The following AGAP3 variants were observed in gnomAD, a reference collection of about 807,000 sequenced individuals.
AGAP3 encodes ArfGAP with GTPase domain, ankyrin repeat and PH domain 3.
AGAP3 carries 24 observed loss-of-function variants against 96.9 expected under a neutral mutation model. That is an observed-to-expected ratio of 0.25 (90% confidence interval 0.18 to 0.35). The LOEUF is 0.35. Ranked by LOEUF, AGAP3 falls within the 10% of genes least tolerant of loss-of-function variation. The probability of loss-of-function intolerance (pLI) is 1.00; values close to 1 mark genes in which losing one functional copy is unlikely to be tolerated. For synonymous variants in AGAP3, 563 were observed against 536.1 expected (o/e 1.05, Z -0.69); for missense variants, 876 against 1,254.2 (o/e 0.70, Z 4.55).
At position 151,123,905 on chromosome 7, in the gene AGAP3, G is replaced by A; in HGVS notation, c.1221+19G>A. 2 of 1,599,734 alleles carry A rather than the reference G, an allele frequency of 1.3e-6. No individual in the cohort carries two copies. The highest frequency in any genetic ancestry group is 1.7e-6 in the Non-Finnish European group (2 of 1,178,038). On this transcript the variant is annotated intron_variant, in intron 9 of 17. Coordinates refer to ENST00000397238, the MANE Select transcript of AGAP3 (RefSeq NM_031946.7). ...CAAGCAGGTCAGCGCCTCCCTTCCCGTGTGCTCCAGGGCTCAGAATGAGGC... is the reference window on the plus strand; with the variant it reads ...CAAGCAGGTCAGCGCCTCCCTTCCCATGTGCTCCAGGGCTCAGAATGAGGC...
chr7:151,104,204 G>A (rs1798947346), intron 1 of AGAP3, among the ~76,000 whole-genome samples: 1 of 152,280 alleles, frequency 6.6e-6, no homozygotes, highest in Non-Finnish European at 1.5e-5. Context: ...CCGTAAACCC[G>A]ACAATCTTTC....
chr7:151,138,427 A>C (rs1800690196), intron 12 of AGAP3, 114 bp downstream of exon 12: 1 of 1,270,584 alleles, frequency 7.9e-7, no homozygotes, highest in African/African-American at 1.5e-5. Context: ...GTCCAGGCCA[A>C]GGGGTGGGGC....
chr7:151,128,347 A>C (rs1318066789), intron 9 of AGAP3: 2 of 522,336 alleles, frequency 3.8e-6, no homozygotes, highest in Non-Finnish European at 6.9e-6. Context: ...CACCTGCCGG[A>C]ACAGCGGTCC....
chr7:151,102,395 G>C (rs538840779), intron 1 of AGAP3, among the ~76,000 whole-genome samples: 52 of 152,294 alleles, frequency 3.4e-4, no homozygotes, highest in Middle Eastern at 3.4e-3. Flanking sequence ...AATGTCACAA[G>C]ATTGACAGCT....
In AGAP3 at chr7:151,139,981, A is replaced by G; in HGVS notation, c.1669A>G (p.Ser557Gly). The G allele has an allele frequency of 6.4e-7, 1 of 1,562,252 alleles. No homozygotes were observed. Among genetic ancestry groups the G allele is most frequent in the Non-Finnish European group, 8.7e-7 (1 of 1,155,876 alleles). ...SLPPGMQHPA[S>G]GPAEVLSSSP... The stretch of plus-strand genomic sequence containing the variant: ...TTCTCCAACTCTCCCCTCACCAGCC[A>G]GTGGCCCAGCTGAGGTACTCAGTTC... Residue 557 changes from serine (S) to glycine (G), a missense_variant and splice_region_variant, in exon 13 of 18, where the codon AGT becomes GGT. Ser to Gly is a moderately conservative substitution (Grantham distance 56, BLOSUM62 0). Transcript: ENST00000397238. The surrounding 1 kb of genome is among the most constrained non-coding windows in gnomAD (Gnocchi z 4.9).
chr7:151,117,079 C>A lies in AGAP3; in HGVS notation c.391-16C>A, dbSNP rs747882734. 6.2e-7 allele frequency: 1 copy of A among 1,612,050 alleles called. No individual in the cohort carries two copies. The highest frequency in any genetic ancestry group is 1.3e-5 in the African/African-American group (1 of 74,972). On this transcript the variant is annotated splice_polypyrimidine_tract_variant and intron_variant, in intron 2 of 17. Coordinates refer to ENST00000397238, the MANE Select transcript of AGAP3 (RefSeq NM_031946.7). The stretch of plus-strand genomic sequence containing the variant: ...CCCTCTGCCCTCTGACCCACTCACC[C>A]CTTCCTCTCCCGCAGGGCATAGTGG...
At chr7:151,127,198 C>T (rs926823714) in intron 9 of AGAP3, among the ~76,000 whole-genome samples, 1 of 152,170 alleles carries the variant, frequency 6.6e-6, no homozygotes, top group Non-Finnish European at 1.5e-5. Flanking sequence ...CCAGTATTTA[C>T]CCCCCACCCT....
rs77222700 is a variant in AGAP3, at chr7:151,139,921, G to A, written c.1667-58G>A. Reference sequence around the variant, plus strand: ...TCCTCTCCTCCTCCCAGTGCCCTGCGCCCCTCCCCTCCTCTGCCTCCCTTC... The same window carrying A: ...TCCTCTCCTCCTCCCAGTGCCCTGCACCCCTCCCCTCCTCTGCCTCCCTTC... On this transcript the variant is annotated intron_variant, in intron 12 of 17. Transcript: ENST00000397238. This position sits in a 1 kb window ranked among gnomAD's most constrained non-coding sequence, Gnocchi z 4.9. 2.2e-3 allele frequency: 3,139 copies of A among 1,421,494 alleles called. 52 individuals are homozygous for A. In the African/African-American group the frequency reaches 0.038, roughly 17 times the overall value. 88.1% of individuals were successfully genotyped at this position (1,421,494 alleles called of 1,614,324 possible). A position where few individuals can be genotyped will look rare whatever the true frequency, so the allele number is the denominator to read the frequency against.
In AGAP3 at chr7:151,086,887, C is replaced by T. The variant is rs1438325548; in HGVS notation, c.146C>T (p.Pro49Leu). The change falls in exon 1 of 18, where the codon CCC (proline) becomes CTC (leucine). Residue 49 changes from proline (P) to leucine (L), a missense_variant. Physicochemically the swap from Pro to Leu is moderately conservative, Grantham distance 98 (BLOSUM62 -3). Coordinates refer to ENST00000397238, the MANE Select transcript of AGAP3 (RefSeq NM_031946.7). ...CCCGGGGCCGGGGGCGGCGGCGGCC[C>T]CTCGCAGCAGCTGGCCGGCGGGCCC... ...AGPGAGGGGG[P>L]SQQLAGGPPQ... 1.5e-5 allele frequency: 20 copies of T among 1,379,270 alleles called. No homozygotes were observed. Among genetic ancestry groups the T allele is most frequent in the Non-Finnish European group, 1.9e-5 (20 of 1,055,670 alleles). The allele number at this position is 1,379,270 out of a possible 1,614,324, so 85.4% of individuals were successfully genotyped here.
At chr7:151,120,292 A>G in intron 8 of AGAP3, 147 bp downstream of exon 8, 1 of 904,372 alleles carries the variant, frequency 1.1e-6, no homozygotes, top group Admixed American at 2.7e-5. Flanking sequence ...ACGGCTCCCG[A>G]GGGTCCTTGC....
At chr7:151,130,017 G>A (rs78061884) in intron 10 of AGAP3, among the ~76,000 whole-genome samples, 15,678 of 152,280 alleles carry the variant, frequency 0.1, 1,055 homozygotes, top group Non-Finnish European at 0.14. Flanking sequence ...CCCAGCCTGA[G>A]GTGTTTCACG....
rs1481618067 is a variant in AGAP3, at chr7:151,108,348, A to G, written c.332-8445A>G. Among the ~76,000 whole-genome samples, 2 of 152,082 alleles carry G rather than the reference A, an allele frequency of 1.3e-5. No individual in the cohort carries two copies. Among genetic ancestry groups the G allele is most frequent in the Non-Finnish European group, 2.9e-5 (2 of 68,012 alleles). ...TGTCGAAAGGCCATTTTCGGCTGGA[A>G]TGACAGCCACTCCCACCCCCACCCT... On this transcript the variant is annotated intron_variant, in intron 1 of 17. Coordinates refer to ENST00000397238, the MANE Select transcript of AGAP3 (RefSeq NM_031946.7). This position sits in a 1 kb window ranked among gnomAD's most constrained non-coding sequence, Gnocchi z 4.2.
intron 10 of AGAP3, 150 bp from the exon 11 acceptor site, chr7:151,134,250 G>A: frequency 1.7e-5 from 10 of 601,926 alleles, no homozygotes; most frequent in Admixed American, 4.2e-5. Flanking sequence ...ATCCAGACTC[G>A]GAGACATTCT....
chr7:151,091,403 G>A (rs1049744151), intron 1 of AGAP3, among the ~76,000 whole-genome samples: 1 of 152,254 alleles, frequency 6.6e-6, no homozygotes, highest in Non-Finnish European at 1.5e-5. Context: ...CTAGTAGCCA[G>A]GGAAAGCTTC....
Position 151,114,981 on chromosome 7 carries a change from G to A in AGAP3, c.332-1812G>A, listed in dbSNP as rs1418662166. The A allele has an allele frequency of 1.0e-6, 1 of 982,230 alleles. No individual in the cohort carries two copies. Among genetic ancestry groups the A allele is most frequent in the Non-Finnish European group, 1.2e-6 (1 of 830,050 alleles). 60.8% of individuals were successfully genotyped at this position (982,230 alleles called of 1,614,324 possible). A position where few individuals can be genotyped will look rare whatever the true frequency, so the allele number is the denominator to read the frequency against. On this transcript the variant is annotated intron_variant, in intron 1 of 17. Transcript: ENST00000397238. This position sits in a 1 kb window ranked among gnomAD's most constrained non-coding sequence, Gnocchi z 4.4. The stretch of plus-strand genomic sequence containing the variant: ...GGGCGGCCCGGAGCCGCCGCCCACC[G>A]GCGCCCGCGGCCTTTTGCTCGGCCT...
intron 8 of AGAP3, chr7:151,122,864 G>A: frequency 6.3e-7 from 1 of 1,591,740 alleles, no homozygotes. Context: ...CCCTGGGACT[G>A]CTCTCAGATG....
chr7:151,134,676 A>G, intron 11 of AGAP3, 108 bp downstream of exon 11: 1 of 1,156,744 alleles, frequency 8.6e-7, no homozygotes, highest in Non-Finnish European at 1.2e-6. Context: ...GGTGCTGGCC[A>G]GCATCACACT....
intron 9 of AGAP3, 151 bp downstream of exon 9, chr7:151,124,037 G>A: frequency 1.2e-6 from 1 of 802,966 alleles, no homozygotes; most frequent in South Asian, 1.8e-5. Context: ...ACAAGGGACT[G>A]GCTCTCCAGT....
At chr7:151,115,160 G>A (rs1799494916) in intron 1 of AGAP3, 3 of 1,041,486 alleles carry the variant, frequency 2.9e-6, no homozygotes, top group African/African-American at 1.7e-5. Context: ...TGACTTTCCT[G>A]GAGGTGAACC....
Sources: gnomAD v4.1 joint callset for allele counts (sites outside exome capture counted in the v4.1 genomes callset) on GRCh38, gnomAD v4.1.1 for gene constraint, Gnocchi (gnomAD v3.1) non-coding constraint, MANE v1.5 for transcripts, NCBI Gene and HGNC (gene_info 2026-07-23, HGNC 2026-07-21) for gene names.